NT5DC1: variants seen among roughly 807,000 people sequenced by gnomAD.
NT5DC1 encodes 5'-nucleotidase domain-containing protein 1.
A neutral mutation model predicts 59.4 loss-of-function variants in NT5DC1; 42 were observed. That is an observed-to-expected ratio of 0.71 (90% CI 0.55 to 0.92). The LOEUF (loss-of-function observed/expected upper bound fraction) is 0.92. NT5DC1 is among the 40% of genes least tolerant of loss of function. The pLI is 0.00. For synonymous variants in NT5DC1, 172 were observed against 188.1 expected (o/e 0.91, Z 0.70); for missense variants, 501 against 537.1 (o/e 0.93, Z 0.66).
intron 6 of NT5DC1, chr6:116,121,616 G>A: frequency 6.2e-7 from 1 of 1,613,972 alleles, no homozygotes; most frequent in Non-Finnish European, 8.5e-7. Context: ...CCTGGGTCCT[G>A]GGGCTCCTGT....
At chr6:116,156,565 C>A (rs1780200409) in intron 6 of NT5DC1, among the ~76,000 whole-genome samples, 2 of 152,002 alleles carry the variant, frequency 1.3e-5, no homozygotes, top group Admixed American at 1.3e-4. Flanking sequence ...GTGCTAATTG[C>A]AGATATATGA....
chr6:116,223,207 C>G, intron 8 of NT5DC1, 76 bp downstream of exon 8: 1 of 713,714 alleles, frequency 1.4e-6, no homozygotes, highest in Admixed American at 2.5e-5. Flanking sequence ...GTGTTGCATG[C>G]AATGCCATGT....
chr6:116,101,111 C>A, intron 1 of NT5DC1, 88 bp downstream of exon 1: 2 of 971,758 alleles, frequency 2.1e-6, no homozygotes, highest in Non-Finnish European at 1.5e-6. Flanking sequence ...CAACGGCGGA[C>A]GCTGCCCGGG....
chr6:116,224,004 AATAT>A (rs1215724987), intron 8 of NT5DC1, among the ~76,000 whole-genome samples: 1 of 152,174 alleles, frequency 6.6e-6, no homozygotes, highest in Non-Finnish European at 1.5e-5. Context: ...TTATATGCAA[AATAT>A]ATATAAGTGT....
At chr6:116,171,985 G>A (rs558673280) in intron 6 of NT5DC1, among the ~76,000 whole-genome samples, 1 of 152,248 alleles carries the variant, frequency 6.6e-6, no homozygotes, top group South Asian at 2.1e-4. Flanking sequence ...TATGACAGCC[G>A]CCACATCTTA....
chr6:116,202,546 A>G (rs1413771366), intron 6 of NT5DC1, among the ~76,000 whole-genome samples: 5 of 152,062 alleles, frequency 3.3e-5, no homozygotes, highest in Non-Finnish European at 5.9e-5. Context: ...AACAAAGGCT[A>G]TTTTCTTTTA....
intron 6 of NT5DC1, among the ~76,000 whole-genome samples, chr6:116,200,030 A>C (rs534101059): frequency 6.6e-6 from 1 of 151,716 alleles, no homozygotes. Context: ...GCAGTGGGGC[A>C]ACCTGACAAA....
chr6:116,239,822 G>A (rs1431195529), intron 11 of NT5DC1, among the ~76,000 whole-genome samples: 1 of 151,840 alleles, frequency 6.6e-6, no homozygotes, highest in Non-Finnish European at 1.5e-5. Flanking sequence ...AAAAATAGCC[G>A]GGCACATAAA....
chr6:116,238,419 T>A, intron 10 of NT5DC1, 71 bp downstream of exon 10: 1 of 1,005,722 alleles, frequency 9.9e-7, no homozygotes, highest in Non-Finnish European at 1.3e-6. Flanking sequence ...ATCTTTATAC[T>A]ACTTGACTCC....
chr6:116,109,091 C>T (rs965104017), intron 3 of NT5DC1, among the ~76,000 whole-genome samples: 1 of 152,166 alleles, frequency 6.6e-6, no homozygotes, highest in Non-Finnish European at 1.5e-5. Flanking sequence ...TCACAGGGCA[C>T]CAGGGAGGGA....
rs759019737 is a variant in NT5DC1, at chr6:116,121,674, C to T, written c.529+3729C>T. 8 of 1,613,992 alleles carry T rather than the reference C, an allele frequency of 5.0e-6. No homozygotes were observed. In the African/African-American group the frequency reaches 9.3e-5, roughly 19 times the overall value. ...CCTGGCACAGAAATTCCAGCCGGTC[C>T]AGGGATTCCAGGTGGTCCTGGTGGG... On this transcript the variant is annotated intron_variant, in intron 6 of 11. Transcript: ENST00000319550.
chr6:116,207,612 G>A (rs577303959), intron 6 of NT5DC1, among the ~76,000 whole-genome samples: 1 of 151,914 alleles, frequency 6.6e-6, no homozygotes, highest in African/African-American at 2.4e-5. Context: ...TAAACTTGTT[G>A]CATTAGATTG....
chr6:116,239,939 T>C (rs926205410), intron 11 of NT5DC1, among the ~76,000 whole-genome samples: 1 of 152,158 alleles, frequency 6.6e-6, no homozygotes, highest in Non-Finnish European at 1.5e-5. Context: ...TAAACTGTGG[T>C]ATAAAAAGAA....
At chr6:116,152,293 G>T (rs1010631289) in intron 6 of NT5DC1, among the ~76,000 whole-genome samples, 2 of 152,002 alleles carry the variant, frequency 1.3e-5, no homozygotes, top group South Asian at 4.2e-4. Context: ...CACCTTAAAG[G>T]TGCACACAAC....
intron 6 of NT5DC1, among the ~76,000 whole-genome samples, chr6:116,160,972 A>G (rs1780313613): frequency 6.6e-6 from 1 of 152,044 alleles, no homozygotes; most frequent in Non-Finnish European, 1.5e-5. Context: ...CTGGATTAAG[A>G]AAATGTGGCA....
At chr6:116,129,612 C>T (rs1251829048) in intron 6 of NT5DC1, among the ~76,000 whole-genome samples, 1 of 152,192 alleles carries the variant, frequency 6.6e-6, no homozygotes, top group Non-Finnish European at 1.5e-5. Flanking sequence ...TGAACGCTCT[C>T]TCCAGATACC....
At chr6:116,186,026 T>G (rs1242201605) in intron 6 of NT5DC1, among the ~76,000 whole-genome samples, 1 of 152,118 alleles carries the variant, frequency 6.6e-6, no homozygotes. Flanking sequence ...CTTTCAAGAT[T>G]TAGAGCTTCT....
chr6:116,122,693 C>G (rs1779169151), intron 6 of NT5DC1, among the ~76,000 whole-genome samples: 1 of 152,054 alleles, frequency 6.6e-6, no homozygotes, highest in African/African-American at 2.4e-5. Context: ...GGCTGGGCCA[C>G]AAGTATGGGG....
intron 6 of NT5DC1, among the ~76,000 whole-genome samples, chr6:116,135,316 A>G (rs1004710304): frequency 6.6e-6 from 1 of 152,134 alleles, no homozygotes; most frequent in African/African-American, 2.4e-5. Flanking sequence ...TTGCATCAAT[A>G]TCATTAAAAT....
Sources: gnomAD v4.1 joint callset for allele counts (sites outside exome capture counted in the v4.1 genomes callset) on GRCh38, gnomAD v4.1.1 for gene constraint, MANE v1.5 for transcripts, NCBI Gene and HGNC (gene_info 2026-07-23, HGNC 2026-07-21) for gene names.